The following CSMD1 variants were observed in gnomAD, a reference collection of about 807,000 sequenced individuals.
CSMD1 encodes CUB and Sushi multiple domains 1.
A neutral mutation model predicts 417.5 loss-of-function variants in CSMD1; 213 were observed. The observed-to-expected ratio is 0.51, with a 90% CI of 0.46 to 0.57. CSMD1 has a LOEUF of 0.57. Among genes scored for constraint, CSMD1 ranks in the 20% least tolerant of loss-of-function variants. The pLI, the probability that CSMD1 is intolerant of heterozygous loss-of-function variation, is 0.00. For synonymous variants in CSMD1, 2,862 were observed against 1,736.8 expected (o/e 1.65, Z -16.11); for missense variants, 6,923 against 4,529.7 (o/e 1.53, Z -15.17).
chr8:3,478,401 G>A (rs116072497), intron 11 of CSMD1, among the ~76,000 whole-genome samples: 2,595 of 152,268 alleles, frequency 0.017, 77 homozygotes, highest in African/African-American at 0.058. Flanking sequence ...AAAGTATATG[G>A]ACTGCCAGTC....
intron 5 of CSMD1, among the ~76,000 whole-genome samples, chr8:3,800,832 T>C (rs572045418): frequency 6.6e-6 from 1 of 152,118 alleles, no homozygotes; most frequent in African/African-American, 2.4e-5. Flanking sequence ...TTCTTCATCA[T>C]GTTTTGACAC....
intron 3 of CSMD1, among the ~76,000 whole-genome samples, chr8:4,105,909 G>A (rs750906207): frequency 6.6e-6 from 1 of 152,160 alleles, no homozygotes. Flanking sequence ...GCCCCTGCAG[G>A]CTTCAGCCCA....
At chr8:3,716,285 G>A (rs924624734) in intron 6 of CSMD1, among the ~76,000 whole-genome samples, 4 of 152,166 alleles carry the variant, frequency 2.6e-5, no homozygotes, top group African/African-American at 9.7e-5. Context: ...ACAGAATTCA[G>A]TGGGAGTCCA....
intron 1 of CSMD1, among the ~76,000 whole-genome samples, chr8:4,880,824 G>A (rs1021740117): frequency 6.6e-6 from 1 of 151,930 alleles, no homozygotes; most frequent in Non-Finnish European, 1.5e-5. Flanking sequence ...CACTTTTGTT[G>A]TCATTCTTGT....
chr8:4,430,869 T>A (rs758196087), intron 2 of CSMD1, among the ~76,000 whole-genome samples: 6 of 152,184 alleles, frequency 3.9e-5, no homozygotes, highest in Non-Finnish European at 7.3e-5. Context: ...CTCTTTGCCT[T>A]CTGTGTGATC....
chr8:4,878,330 C>T (rs1022258956), intron 1 of CSMD1, among the ~76,000 whole-genome samples: 3 of 151,966 alleles, frequency 2.0e-5, no homozygotes, highest in African/African-American at 7.3e-5. Flanking sequence ...CTGCAGAACT[C>T]GGGAAAATGT....
At chr8:3,483,863 C>A (rs927373940) in intron 11 of CSMD1, among the ~76,000 whole-genome samples, 1 of 152,080 alleles carries the variant, frequency 6.6e-6, no homozygotes, top group Non-Finnish European at 1.5e-5. Flanking sequence ...ATGTCATCCA[C>A]CATTAGAAGA....
intron 5 of CSMD1, among the ~76,000 whole-genome samples, chr8:3,900,074 G>A (rs1167321763): frequency 6.6e-6 from 1 of 152,058 alleles, no homozygotes; most frequent in East Asian, 1.9e-4. Flanking sequence ...CACTAGCTGG[G>A]TGACAGTGCA....
At chr8:4,668,433 T>TATTATA (rs1655975187) in intron 1 of CSMD1, among the ~76,000 whole-genome samples, 1 of 144,932 alleles carries the variant, frequency 6.9e-6, no homozygotes, top group Non-Finnish European at 1.5e-5. Context: ...TTATTATTAT[T>TATTATA]ATTATTATTA....
At chr8:4,421,949 T>G (rs1416721433) in intron 2 of CSMD1, among the ~76,000 whole-genome samples, 1 of 152,004 alleles carries the variant, frequency 6.6e-6, no homozygotes, top group Non-Finnish European at 1.5e-5. Context: ...AAAGAGTCAC[T>G]GTCATTAAAC....
rs536035740 is a variant in CSMD1, at chr8:3,633,747, T to C, written c.1010-16950A>G. On this transcript the variant is annotated intron_variant, in intron 7 of 69. Coordinates refer to ENST00000635120, the MANE Select transcript of CSMD1 (RefSeq NM_033225.6). ...AATGTCATGTAAACACTGATTTCCC[T>C]TCAGCAACCCCATAGGCATTGCTTT... 6.6e-5 allele frequency among the ~76,000 whole-genome samples: 10 copies of C among 152,340 alleles called. No individual in the cohort carries two copies. In the South Asian group the frequency reaches 2.1e-3, roughly 32 times the overall value.
At chr8:4,400,583 G>C (rs1804578257) in intron 3 of CSMD1, among the ~76,000 whole-genome samples, 2 of 152,328 alleles carry the variant, frequency 1.3e-5, no homozygotes, top group African/African-American at 2.4e-5. Context: ...ACTTTCATTA[G>C]AGCTGCTGGA....
rs1405329062 is a variant in CSMD1 at position 3,662,261 on chromosome 8, C to A, written c.1010-45464G>T. ...AACTATGCTCAATCCCAGATGGGAG[C>A]ATTTTTATTTTCTTTCTCATTGTCA... On this transcript the variant is annotated intron_variant, in intron 7 of 69. Transcript: ENST00000635120. Among the ~76,000 whole-genome samples the A allele has an allele frequency of 2.6e-5, 4 of 152,308 alleles. No individual in the cohort carries two copies. The East Asian group carries it at 7.7e-4, about 29-fold the overall frequency.
chr8:4,016,995 C>G (rs1170499438), intron 4 of CSMD1, among the ~76,000 whole-genome samples: 1 of 152,108 alleles, frequency 6.6e-6, no homozygotes, highest in Non-Finnish European at 1.5e-5. Context: ...ATCACAATAA[C>G]AGAAATCATA....
chr8:3,930,835 AAAGT>A (rs1429330936), intron 5 of CSMD1, among the ~76,000 whole-genome samples: 7 of 150,774 alleles, frequency 4.6e-5, no homozygotes, highest in African/African-American at 1.7e-4. Flanking sequence ...AAAACAAAAT[AAAGT>A]AATAGATATC....
Position 3,854,871 on chromosome 8 carries a change from G to C in CSMD1, c.819-100829C>G, listed in dbSNP as rs568630872. ...TAAATCAATTCTAATCCATTTCAGA[G>C]TAAAATATTATATGGACATTACAAT... On this transcript the variant is annotated intron_variant, in intron 5 of 69. Transcript: ENST00000635120. Among the ~76,000 whole-genome samples the C allele has an allele frequency of 9.2e-5, 14 of 152,232 alleles. No homozygotes were observed. In the South Asian group the frequency reaches 2.7e-3, roughly 29 times the overall value.
At chr8:4,873,282 TA>T (rs928124172) in intron 1 of CSMD1, among the ~76,000 whole-genome samples, 1 of 152,066 alleles carries the variant, frequency 6.6e-6, no homozygotes, top group Non-Finnish European at 1.5e-5. Context: ...AAAAACTATC[TA>T]AAAAATGCCT....
intron 25 of CSMD1, among the ~76,000 whole-genome samples, chr8:3,286,062 T>G (rs1435440024): frequency 2.6e-5 from 4 of 152,018 alleles, no homozygotes; most frequent in Admixed American, 6.6e-5. Context: ...CACCTATGAG[T>G]GAGAACATGA....
chr8:4,898,946 TAC>T (rs1187048530), intron 1 of CSMD1, among the ~76,000 whole-genome samples: 3 of 152,206 alleles, frequency 2.0e-5, no homozygotes, highest in African/African-American at 7.2e-5. Context: ...ATTCTGAGAT[TAC>T]AGTTATAAAA....
Sources: gnomAD v4.1 joint callset for allele counts (sites outside exome capture counted in the v4.1 genomes callset) on GRCh38, gnomAD v4.1.1 for gene constraint, MANE v1.5 for transcripts, NCBI Gene and HGNC (gene_info 2026-07-23, HGNC 2026-07-21) for gene names.